UNC13C: variants seen among roughly 807,000 people sequenced by gnomAD.
UNC13C encodes protein unc-13 homolog C.
A neutral mutation model predicts 245.4 loss-of-function variants in UNC13C; 174 were observed. The observed-to-expected ratio is 0.71, with a 90% CI of 0.63 to 0.80. The LOEUF is 0.80. Ranked by LOEUF, UNC13C falls within the 30% of genes least tolerant of loss-of-function variation. The pLI is 0.00. For synonymous variants in UNC13C, 992 were observed against 895.1 expected (o/e 1.11, Z -1.93); for missense variants, 2,829 against 2,602.9 (o/e 1.09, Z -1.89).
chr15:54,589,124 C>A (rs994471877), intron 30 of UNC13C, among the ~76,000 whole-genome samples: 1 of 152,018 alleles, frequency 6.6e-6, no homozygotes. Context: ...GTTCCCTGAT[C>A]ACCGCAATGA....
intron 4 of UNC13C, among the ~76,000 whole-genome samples, chr15:54,157,421 C>A (rs151134396): frequency 6.6e-6 from 1 of 152,246 alleles, no homozygotes; most frequent in African/African-American, 2.4e-5. Flanking sequence ...TTTTACCTTT[C>A]TTTTCAAATC....
the UNC13C span, among the ~76,000 whole-genome samples, chr15:53,902,686 A>G: frequency 6.6e-6 from 1 of 152,200 alleles, no homozygotes; most frequent in Non-Finnish European, 1.5e-5. Context: ...ATTCATTGTC[A>G]GTACCAACAG....
At chr15:54,211,300 C>A (rs1269284962) in intron 4 of UNC13C, among the ~76,000 whole-genome samples, 1 of 151,926 alleles carries the variant, frequency 6.6e-6, no homozygotes, top group African/African-American at 2.4e-5. Context: ...GGGTCCATGG[C>A]AATCAAAGAT....
chr15:54,499,044 A>T (rs1355365958), intron 20 of UNC13C, among the ~76,000 whole-genome samples: 8 of 152,156 alleles, frequency 5.3e-5, no homozygotes, highest in Admixed American at 5.2e-4. Context: ...ATAAAGAAAT[A>T]CCTGAGTCTA....
chr15:54,069,112 A>T (rs1898203018), intron 2 of UNC13C, among the ~76,000 whole-genome samples: 1 of 152,202 alleles, frequency 6.6e-6, no homozygotes, highest in Admixed American at 6.5e-5. Context: ...AGAGTAAGAG[A>T]CAGAAACAGA....
At chr15:54,621,043 A>G (rs1176441437) in intron 30 of UNC13C, among the ~76,000 whole-genome samples, 1 of 152,150 alleles carries the variant, frequency 6.6e-6, no homozygotes, top group African/African-American at 2.4e-5. Context: ...TCTGTCTTCC[A>G]GTCCTTTTAT....
intron 19 of UNC13C, chr15:54,416,848 A>C (rs768209343): frequency 4.4e-6 from 2 of 454,718 alleles, no homozygotes; most frequent in Non-Finnish European, 4.4e-6. Flanking sequence ...TTAAGCACTT[A>C]CGGGTTATCA....
intron 4 of UNC13C, among the ~76,000 whole-genome samples, chr15:54,215,766 A>T (rs1322268298): frequency 6.6e-6 from 1 of 151,944 alleles, no homozygotes; most frequent in Non-Finnish European, 1.5e-5. Flanking sequence ...CCCATTAAGG[A>T]ATCCAGGATT....
At chr15:54,450,702 T>C (rs1005964126) in intron 19 of UNC13C, among the ~76,000 whole-genome samples, 6 of 152,220 alleles carry the variant, frequency 3.9e-5, no homozygotes, top group African/African-American at 9.6e-5. Context: ...GGGAATTCCC[T>C]GACCCCTTGC....
intron 19 of UNC13C, among the ~76,000 whole-genome samples, chr15:54,425,468 C>T (rs2040741022): frequency 6.6e-6 from 1 of 151,834 alleles, no homozygotes; most frequent in Non-Finnish European, 1.5e-5. Context: ...ATAAGAAAAA[C>T]TTACATGGAC....
In UNC13C at chr15:54,525,589, T is replaced by G; in HGVS notation, c.5498T>G (p.Val1833Gly). ...EASTILKELQ[V>G]KLSGVLDELS... Reference sequence around the variant, plus strand: ...AGTACTATTCTAAAAGAACTTCAGGTTAAGCTCAGTGGGGTCCTGGATGAG... The same window carrying G: ...AGTACTATTCTAAAAGAACTTCAGGGTAAGCTCAGTGGGGTCCTGGATGAG... The change falls in exon 25 of 33, where the codon GTT becomes GGT. Residue 1833 changes from valine to glycine, a missense_variant. By Grantham distance (109) the Val-to-Gly change is moderately radical. Coordinates refer to ENST00000260323, the MANE Select transcript of UNC13C (RefSeq NM_001080534.3). 6.2e-7 allele frequency: 1 copy of G among 1,613,142 alleles called. No homozygotes were observed.
intron 4 of UNC13C, among the ~76,000 whole-genome samples, chr15:54,224,604 T>C (rs2140794351): frequency 6.6e-6 from 1 of 152,296 alleles, no homozygotes; most frequent in African/African-American, 2.4e-5. Context: ...TTTCTTACTT[T>C]CTTTTTTTGT....
rs111228722 is a variant in UNC13C, at chr15:54,108,510, C to A, written c.2984-34508C>A. 1.1e-3 allele frequency among the ~76,000 whole-genome samples: 169 copies of A among 152,200 alleles called. 2 individuals are homozygous for A. Among genetic ancestry groups the A allele is most frequent in the African/African-American group, 3.5e-3 (144 of 41,516 alleles). ...CCTTTGCTAAATAATACTTTTTAAA[C>A]ATCTCAATAAAACGTGTAGGCCAAG... On this transcript the variant is annotated intron_variant, in intron 2 of 32. Coordinates refer to ENST00000260323, the MANE Select transcript of UNC13C (RefSeq NM_001080534.3).
At chr15:54,147,617 G>C (rs550025916) in intron 4 of UNC13C, among the ~76,000 whole-genome samples, 10 of 152,216 alleles carry the variant, frequency 6.6e-5, no homozygotes, top group African/African-American at 2.4e-4. Flanking sequence ...CTCCTTTGGT[G>C]CTTTGATTAT....
intron 4 of UNC13C, among the ~76,000 whole-genome samples, chr15:54,217,705 AT>A (rs1419864757): frequency 6.6e-6 from 1 of 151,890 alleles, no homozygotes; most frequent in African/African-American, 2.4e-5. Context: ...AAGGCAAGTA[AT>A]TTTTTTCATT....
intron 10 of UNC13C, among the ~76,000 whole-genome samples, chr15:54,291,707 T>C (rs11636703): frequency 0.15 from 23,382 of 151,916 alleles, 1,985 homozygotes; most frequent in African/African-American, 0.22. Flanking sequence ...GTAACTGAGA[T>C]TTATAGAAGT....
chr15:54,041,320 A>C (rs1896798124), intron 2 of UNC13C, among the ~76,000 whole-genome samples: 1 of 152,250 alleles, frequency 6.6e-6, no homozygotes, highest in African/African-American at 2.4e-5. Flanking sequence ...CTCTCATAAC[A>C]CTTGGCATAT....
At chr15:54,069,699 A>G (rs2141095015) in intron 2 of UNC13C, among the ~76,000 whole-genome samples, 1 of 152,354 alleles carries the variant, frequency 6.6e-6, no homozygotes, top group South Asian at 2.1e-4. Context: ...TCAGAAAAAC[A>G]TAATTTGTTT....
the UNC13C span, among the ~76,000 whole-genome samples, chr15:53,934,477 T>C: frequency 2.0e-5 from 3 of 152,196 alleles, no homozygotes; most frequent in African/African-American, 7.2e-5. Flanking sequence ...TGAATAAATC[T>C]ATGTTTATCT....
Sources: gnomAD v4.1 joint callset for allele counts (sites outside exome capture counted in the v4.1 genomes callset) on GRCh38, gnomAD v4.1.1 for gene constraint, MANE v1.5 for transcripts, NCBI Gene and HGNC (gene_info 2026-07-23, HGNC 2026-07-21) for gene names.